Variants in DMTN observed in about 807,000 individuals in gnomAD.
The protein encoded by DMTN is dematin.
Under a neutral mutation model 59.4 loss-of-function variants are expected in DMTN, and 27 were observed. The ratio of observed to expected loss-of-function variants is 0.45; its 90% CI spans 0.33 to 0.63. The LOEUF is 0.63. DMTN is among the 20% of genes least tolerant of loss of function. The pLI is 0.02. For synonymous variants in DMTN, 221 were observed against 203.7 expected, an observed-to-expected ratio of 1.08 and a Z score of -0.72; for missense variants, 451 against 528.9, an observed-to-expected ratio of 0.85 and a Z score of 1.45.
chr8:22,078,057 G>A (rs1049251615), intron 10 of DMTN, among the ~76,000 whole-genome samples: 7 of 150,286 alleles, frequency 4.7e-5, no homozygotes, highest in Admixed American at 4.0e-4. Flanking sequence ...CCAAGCAACA[G>A]ATTTCATAAG....
rs1349490271 is a variant in DMTN at position 22,058,707 on chromosome 8, G to C, written c.-172+1571G>C. ...TCCGAGTATGAGAGGGTGCCCTGTA[G>C]TGCTGGGTTAGGGGAACCCTCATCC... is the stretch of plus-strand genomic sequence containing the variant. On this transcript the variant is annotated intron_variant, in intron 1 of 15. Transcript: ENST00000358242. The surrounding 1 kb of genome is among the most constrained non-coding windows in gnomAD (Gnocchi z 4.3). 6.6e-6 allele frequency among the ~76,000 whole-genome samples: 1 copy of C among 152,128 alleles called. No homozygotes were observed. The highest frequency in any genetic ancestry group is 1.9e-4 in the East Asian group (1 of 5,174).
Position 22,067,451 on chromosome 8 carries a change from G to A in DMTN, c.94-76G>A, listed in dbSNP as rs953532917. 4.0e-5 allele frequency: 63 copies of A among 1,568,376 alleles called. No homozygotes were observed. In the African/African-American group the frequency reaches 7.0e-4, roughly 17 times the overall value. On this transcript the variant is annotated intron_variant, in intron 3 of 15. Coordinates refer to ENST00000358242, the MANE Select transcript of DMTN (RefSeq NM_001387751.1). Reference sequence around the variant, plus strand: ...GCGGTCCATTTTCTTGGTAATTGACGTAAGTCTAGCTAGCAGGGCCAGTGT... The same window carrying A: ...GCGGTCCATTTTCTTGGTAATTGACATAAGTCTAGCTAGCAGGGCCAGTGT...
intron 1 of DMTN, among the ~76,000 whole-genome samples, chr8:22,063,541 T>A (rs1808179174): frequency 1.3e-5 from 2 of 152,214 alleles, no homozygotes; most frequent in African/African-American, 2.4e-5. Flanking sequence ...CTGGCCTCCA[T>A]GATTTGGCCT....
upstream of DMTN, among the ~76,000 whole-genome samples, chr8:22,052,601 A>G (rs1021985178): frequency 7.9e-5 from 12 of 152,192 alleles, no homozygotes; most frequent in African/African-American, 2.4e-4. Flanking sequence ...GGAGGGATAA[A>G]CCCATAAAAA....
intron 7 of DMTN, 98 bp from the exon 8 acceptor site, chr8:22,070,084 T>C: frequency 1.9e-6 from 3 of 1,553,786 alleles, no homozygotes; most frequent in Non-Finnish European, 2.6e-6. Context: ...ACACTGCTTT[T>C]ACCTGCAGGA....
chr8:22,048,997 G>C (rs1801045477), upstream of DMTN: 1 of 148,370 alleles, frequency 6.7e-6, no homozygotes, highest in South Asian at 2.1e-4. This position sits in a 1 kb window ranked among gnomAD's most constrained non-coding sequence, Gnocchi z 6.9. Flanking sequence ...TCCCTGGCGC[G>C]GGCTCGGGTT....
intron 8 of DMTN, among the ~76,000 whole-genome samples, chr8:22,070,901 A>G (rs1814848833): frequency 2.0e-5 from 3 of 152,124 alleles, no homozygotes; most frequent in Admixed American, 1.3e-4. Context: ...GCTCCCACTC[A>G]TGAGTGAGAA....
At chr8:22,072,747 T>C (rs1816715074) in intron 9 of DMTN, among the ~76,000 whole-genome samples, 1 of 151,962 alleles carries the variant, frequency 6.6e-6, no homozygotes, top group South Asian at 2.1e-4. Flanking sequence ...AGTGCTTGAA[T>C]TACAGGCGTG....
At chr8:22,059,276 CAGG>C (rs1390360301) in intron 1 of DMTN, 1 of 152,278 alleles carries the variant, frequency 6.6e-6, no homozygotes, top group Non-Finnish European at 1.5e-5. Context: ...GTGAACAGAA[CAGG>C]AGAAGGCGAA....
At chr8:22,049,049 A>C (rs1801049021), upstream of DMTN, 1 of 145,814 alleles carries the variant, frequency 6.9e-6, no homozygotes, top group Non-Finnish European at 1.5e-5. Flanking sequence ...CTGTTGGGGA[A>C]GAAAACCCGA....
rs1814429102 is a variant in DMTN at position 22,070,427 on chromosome 8, C to T, written c.604+93C>T. ...GCTGCAGTCCGTGAACCCACTCCCA[C>T]CCCTGCCCTATGGTGTCCTCGTGGG... On this transcript the variant is annotated intron_variant, in intron 8 of 15. Coordinates refer to ENST00000358242, the MANE Select transcript of DMTN (RefSeq NM_001387751.1). The T allele has an allele frequency of 7.6e-6, 11 of 1,452,820 alleles. No homozygotes were observed. In the East Asian group the frequency reaches 2.5e-4, roughly 33 times the overall value. 90.0% of individuals were successfully genotyped at this position (1,452,820 alleles called of 1,614,324 possible). A position where few individuals can be genotyped will look rare whatever the true frequency, so the allele number is the denominator to read the frequency against.
intron 8 of DMTN, among the ~76,000 whole-genome samples, chr8:22,071,684 A>G (rs568879651): frequency 8.5e-4 from 129 of 151,282 alleles, no homozygotes; most frequent in Non-Finnish European, 1.4e-3. Context: ...GGCTCACGCT[A>G]TTCTCCTGCC....
chr8:22,063,139 C>T (rs1807888108), intron 1 of DMTN, among the ~76,000 whole-genome samples: 1 of 152,228 alleles, frequency 6.6e-6, no homozygotes, highest in African/African-American at 2.4e-5. Flanking sequence ...GCACCCACTA[C>T]AACCTCCACC....
upstream of DMTN, chr8:22,053,460 CCCTGG>C (rs1801573060): frequency 6.6e-6 from 1 of 152,442 alleles, no homozygotes. Flanking sequence ...TGTCCAGGTG[CCCTGG>C]CTCCACCTCT....
chr8:22,070,826 C>A (rs535237868), intron 8 of DMTN, among the ~76,000 whole-genome samples: 1 of 152,170 alleles, frequency 6.6e-6, no homozygotes, highest in African/African-American at 2.4e-5. Flanking sequence ...CACCACCCCC[C>A]ACACCCTTCT....
chr8:22,076,011 G>A (rs1586125094), intron 10 of DMTN, among the ~76,000 whole-genome samples: 1 of 152,214 alleles, frequency 6.6e-6, no homozygotes, highest in Non-Finnish European at 1.5e-5. Flanking sequence ...TGAATCCGCT[G>A]GATCGAATCC....
At chr8:22,049,580 C>A (rs1239942988), upstream of DMTN, among the ~76,000 whole-genome samples, 1 of 138,120 alleles carries the variant, frequency 7.2e-6, no homozygotes, top group South Asian at 2.5e-4. Context: ...CCCCCCCCCC[C>A]CGCCACCCCA....
intron 10 of DMTN, among the ~76,000 whole-genome samples, chr8:22,079,302 T>TATATATATATA (rs1491109949): frequency 1.9e-4 from 3 of 15,528 alleles, no homozygotes; most frequent in African/African-American, 3.7e-4. Flanking sequence ...ATATATATAT[T>TATATATATATA]AGCTGGGTTT....
intron 8 of DMTN, among the ~76,000 whole-genome samples, chr8:22,071,454 G>GCGAGATCT (rs1175835595): frequency 1.0e-3 from 152 of 151,898 alleles, no homozygotes; most frequent in African/African-American, 3.5e-3. Context: ...GAGTGCAGTG[G>GCGAGATCT]CGAGATCTCG....
Sources: allele counts gnomAD v4.1 joint callset (sites outside exome capture counted in the v4.1 genomes callset), GRCh38; gene constraint gnomAD v4.1.1; non-coding constraint Gnocchi (gnomAD v3.1); transcripts MANE v1.5; gene names NCBI Gene and HGNC (gene_info 2026-07-23, HGNC 2026-07-21).